The following TTLL11 variants were observed in gnomAD, a reference collection of about 807,000 sequenced individuals.
The protein encoded by TTLL11 is tubulin tyrosine ligase like 11.
In TTLL11, 42 loss-of-function variants were observed where a neutral mutation model predicts 51.7. The observed-to-expected ratio is 0.81, with a 90% CI of 0.64 to 1.05. The LOEUF (loss-of-function observed/expected upper bound fraction) is 1.05. Ranked by LOEUF, TTLL11 falls within the 50% of genes least tolerant of loss-of-function variation. The pLI is 0.00. For missense variants in TTLL11, 799 were observed against 940.4 expected, an observed-to-expected ratio of 0.85 and a Z score of 1.97; for synonymous variants, 381 against 383.5, an observed-to-expected ratio of 0.99 and a Z score of 0.08.
chr9:121,871,756 G>A (rs1381700187), intron 6 of TTLL11, among the ~76,000 whole-genome samples: 1 of 152,128 alleles, frequency 6.6e-6, no homozygotes, highest in African/African-American at 2.4e-5. Flanking sequence ...TCATCCCCCT[G>A]CCAGGCACAC....
chr9:122,077,817 A>G (rs1845899116), intron 1 of TTLL11, among the ~76,000 whole-genome samples: 1 of 147,130 alleles, frequency 6.8e-6, no homozygotes, highest in East Asian at 1.9e-4. Flanking sequence ...GTATTAGACC[A>G]TAAAGCAAAA....
At chr9:121,908,502 T>C (rs191572142) in intron 6 of TTLL11, among the ~76,000 whole-genome samples, 1 of 152,330 alleles carries the variant, frequency 6.6e-6, no homozygotes, top group African/African-American at 2.4e-5. Context: ...GAGCTGGTGT[T>C]TCATGAGCAA....
intron 6 of TTLL11, among the ~76,000 whole-genome samples, chr9:121,924,762 C>CT (rs762402616): frequency 0.019 from 2,674 of 139,378 alleles, 23 homozygotes; most frequent in African/African-American, 0.039. Flanking sequence ...ATAACAAGCA[C>CT]TTTTTTTTTT....
At chr9:121,833,006 T>G (rs773890634) in intron 8 of TTLL11, among the ~76,000 whole-genome samples, 13 of 131,498 alleles carry the variant, frequency 9.9e-5, no homozygotes, top group Non-Finnish European at 1.3e-4. Context: ...TGACCAAGTG[T>G]TAATTACAGT....
chr9:122,040,122 G>A (rs1844810106), intron 1 of TTLL11, among the ~76,000 whole-genome samples: 1 of 152,106 alleles, frequency 6.6e-6, no homozygotes, highest in African/African-American at 2.4e-5. Context: ...AAAAGCCAGG[G>A]CAGGGCAGCT....
chr9:121,917,553 A>AAGAAAG lies in TTLL11; in HGVS notation c.1482-46806_1482-46805insCTTTCT, dbSNP rs1181585585. 3.7e-3 allele frequency among the ~76,000 whole-genome samples: 541 copies of AAGAAAG among 145,002 alleles called. 4 individuals are homozygous for AAGAAAG. The highest frequency in any genetic ancestry group is 0.014 in the African/African-American group (523 of 37,324). On this transcript the variant is annotated intron_variant, in intron 6 of 8. Transcript: ENST00000321582. Reference sequence around the variant, plus strand: ...AGGAAGGAAGGAAGGAAGAAAAAGAAAAAGAAAGAAAGAAAGAAAGAAAGG... The same window carrying AAGAAAG: ...AGGAAGGAAGGAAGGAAGAAAAAGAAAGAAAGAAAGAAAGAAAGAAAGAAAGAAAGG...
Position 121,895,603 on chromosome 9 carries a change from ATGTG to A in TTLL11, c.1482-24859_1482-24856del, listed in dbSNP as rs1314224879. 1.2e-4 allele frequency among the ~76,000 whole-genome samples: 15 copies of A among 127,274 alleles called. No individual in the cohort carries two copies. In the East Asian group the frequency reaches 3.1e-3, roughly 26 times the overall value. The allele number at this position is 127,274 out of a possible 152,430, so 83.5% of individuals were successfully genotyped here. On this transcript the variant is annotated intron_variant, in intron 6 of 8. Coordinates refer to ENST00000321582, the MANE Select transcript of TTLL11 (RefSeq NM_001139442.2). Reference sequence around the variant, plus strand: ...TTTGTGTGACTGTGTGTGGTTGTGTATGTGTGTCTGTGTGAACATGTGGTCATGT... The same window carrying A: ...TTTGTGTGACTGTGTGTGGTTGTGTATGTCTGTGTGAACATGTGGTCATGT...
chr9:122,084,951 A>G (rs934988287), intron 1 of TTLL11, among the ~76,000 whole-genome samples: 1 of 152,218 alleles, frequency 6.6e-6, no homozygotes, highest in African/African-American at 2.4e-5. Context: ...GGCGATGTAC[A>G]TAATTAACAT....
chr9:122,023,905 C>T (rs191074799), intron 3 of TTLL11, among the ~76,000 whole-genome samples: 2 of 152,184 alleles, frequency 1.3e-5, no homozygotes, highest in African/African-American at 4.8e-5. Flanking sequence ...GAAAAAGTCC[C>T]GGACATCTGT....
At chr9:122,047,576 G>C (rs1845049972) in intron 1 of TTLL11, among the ~76,000 whole-genome samples, 1 of 151,882 alleles carries the variant, frequency 6.6e-6, no homozygotes, top group Non-Finnish European at 1.5e-5. Context: ...AGAGACCACA[G>C]AGAGAGAGAG....
chr9:121,987,422 CTA>C (rs1158697791), intron 4 of TTLL11, among the ~76,000 whole-genome samples: 1 of 152,120 alleles, frequency 6.6e-6, no homozygotes. Flanking sequence ...AAGTGTGTAC[CTA>C]TGGAGTGTCT....
chr9:121,959,166 A>G (rs1289370273), intron 6 of TTLL11, among the ~76,000 whole-genome samples: 2 of 152,206 alleles, frequency 1.3e-5, no homozygotes, highest in Admixed American at 1.3e-4. Flanking sequence ...AACAGGGTTA[A>G]GAATGCACCA....
intron 6 of TTLL11, among the ~76,000 whole-genome samples, chr9:121,967,425 A>G (rs974053286): frequency 6.6e-6 from 1 of 151,914 alleles, no homozygotes; most frequent in Non-Finnish European, 1.5e-5. Context: ...GGGTTTCACC[A>G]TGTTGGCCAG....
intron 8 of TTLL11, among the ~76,000 whole-genome samples, chr9:121,836,827 A>AATTCAG (rs1267674762): frequency 1.3e-5 from 2 of 152,198 alleles, no homozygotes; most frequent in Admixed American, 1.3e-4. Context: ...ATGGTGAGAA[A>AATTCAG]ATTCAGACAG....
At chr9:121,930,145 G>A (rs952962926) in intron 6 of TTLL11, among the ~76,000 whole-genome samples, 1 of 152,214 alleles carries the variant, frequency 6.6e-6, no homozygotes, top group African/African-American at 2.4e-5. Flanking sequence ...GGAAACTGAT[G>A]TTCAGGAAAA....
At chr9:121,922,933 C>A (rs1840595040) in intron 6 of TTLL11, among the ~76,000 whole-genome samples, 1 of 152,106 alleles carries the variant, frequency 6.6e-6, no homozygotes, top group Non-Finnish European at 1.5e-5. Context: ...CATTAACAAC[C>A]AAAGACATGC....
At chr9:121,973,431 A>T (rs1407184757) in intron 6 of TTLL11, among the ~76,000 whole-genome samples, 3 of 152,184 alleles carry the variant, frequency 2.0e-5, no homozygotes. Flanking sequence ...TTTCAAAGAG[A>T]AGCACTATGT....
intron 4 of TTLL11, chr9:121,988,924 C>CTCATTTAATT (rs2131691770): frequency 1.6e-6 from 1 of 634,412 alleles, no homozygotes; most frequent in South Asian, 3.2e-5. Flanking sequence ...CATGTGTTAT[C>CTCATTTAATT]TCATTTAATT....
intron 6 of TTLL11, among the ~76,000 whole-genome samples, chr9:121,932,410 A>G (rs951176918): frequency 3.9e-5 from 6 of 152,238 alleles, no homozygotes; most frequent in Non-Finnish European, 5.9e-5. Flanking sequence ...ACCTGAGTAC[A>G]TAACAGGTTC....
Sources: allele counts gnomAD v4.1 joint callset (sites outside exome capture counted in the v4.1 genomes callset), GRCh38; gene constraint gnomAD v4.1.1; transcripts MANE v1.5; gene names NCBI Gene and HGNC (gene_info 2026-07-23, HGNC 2026-07-21).